Variants in ACSS3 observed in about 807,000 individuals in gnomAD.
ACSS3 encodes acyl-CoA synthetase short chain family member 3, also known as acyl-CoA synthetase short-chain family member 3, mitochondrial.
In ACSS3, 64 loss-of-function variants were observed where a neutral mutation model predicts 84.2. The ratio of observed to expected loss-of-function variants is 0.76; its 90% CI spans 0.62 to 0.94. ACSS3 has a LOEUF of 0.94. Ranked by LOEUF, ACSS3 falls within the 40% of genes least tolerant of loss-of-function variation. The pLI, the probability that ACSS3 is intolerant of heterozygous loss-of-function variation, is 0.00. For synonymous variants in ACSS3, 317 were observed against 310.1 expected (o/e 1.02, Z -0.23); for missense variants, 815 against 867.6 (o/e 0.94, Z 0.76).
At chr12:81,248,787 C>T (rs75512806) in intron 13 of ACSS3, among the ~76,000 whole-genome samples, 2,227 of 151,978 alleles carry the variant, frequency 0.015, 57 homozygotes, top group African/African-American at 0.052. Context: ...TCATTACACA[C>T]TCTATGCATG....
intron 7 of ACSS3, among the ~76,000 whole-genome samples, chr12:81,162,588 T>A (rs1028847337): frequency 2.6e-5 from 4 of 152,146 alleles, no homozygotes; most frequent in African/African-American, 9.7e-5. Context: ...CTGACAGCCC[T>A]GCTCTCAGGT....
chr12:81,261,203 TCA>T lies in ACSS3; in HGVS notation c.*6284_*6285del, dbSNP rs529634698. Reference sequence around the variant, plus strand: ...ACAATGTAATAAAGGTTTGAATTTTTCACAGTTTCTACTATTTATTTATTGAT... The same window carrying T: ...ACAATGTAATAAAGGTTTGAATTTTTCAGTTTCTACTATTTATTTATTGAT... On this transcript the variant is annotated 3_prime_UTR_variant, in exon 16 of 16. Transcript: ENST00000548058. 1.9e-4 allele frequency: 29 copies of T among 152,296 alleles called. No individual in the cohort carries two copies. The highest frequency in any genetic ancestry group is 6.3e-4 in the African/African-American group (26 of 41,580). 9.4% of individuals were successfully genotyped at this position (152,296 alleles called of 1,614,324 possible).
At position 81,249,344 on chromosome 12, in the gene ACSS3, T is replaced by C. The variant is rs375206726; in HGVS notation, c.1720-3963T>C. ...ACAGGAAACAAATTGGGCTCTCTAA[T>C]TTCACTCTTTCACTTGTAGCTTAAG... On this transcript the variant is annotated intron_variant, in intron 13 of 15. Transcript: ENST00000548058. Among the ~76,000 whole-genome samples, 33 of 152,176 alleles carry C rather than the reference T, an allele frequency of 2.2e-4. No homozygotes were observed. The East Asian group carries it at 2.7e-3, about 12-fold the overall frequency.
chr12:81,143,303 A>C, intron 5 of ACSS3, 56 bp downstream of exon 5: 1 of 1,408,638 alleles, frequency 7.1e-7, no homozygotes, highest in Non-Finnish European at 9.5e-7. Context: ...TTGCACCAAG[A>C]ATGTTTGATC....
At chr12:81,254,207 C>T (rs1365864041) in intron 15 of ACSS3, among the ~76,000 whole-genome samples, 3 of 151,960 alleles carry the variant, frequency 2.0e-5, no homozygotes, top group Non-Finnish European at 2.9e-5. Context: ...TGGGATTACA[C>T]GCCTGAGCCA....
intron 1 of ACSS3, among the ~76,000 whole-genome samples, chr12:81,084,928 G>T (rs1049280922): frequency 2.6e-5 from 4 of 152,184 alleles, no homozygotes; most frequent in African/African-American, 9.7e-5. Context: ...ACTGGTATAG[G>T]CAAAAACATT....
chr12:81,215,329 C>T (rs1056288182), intron 9 of ACSS3, among the ~76,000 whole-genome samples: 4 of 152,046 alleles, frequency 2.6e-5, no homozygotes, highest in African/African-American at 9.7e-5. Flanking sequence ...CGATGATCCT[C>T]AGCAGTGACC....
intron 1 of ACSS3, among the ~76,000 whole-genome samples, chr12:81,081,496 T>A (rs1376521122): frequency 2.6e-5 from 4 of 152,182 alleles, no homozygotes; most frequent in Non-Finnish European, 5.9e-5. Context: ...TCATAGTAAT[T>A]TCTTCAGTCC....
intron 8 of ACSS3, among the ~76,000 whole-genome samples, chr12:81,184,895 A>G (rs764795618): frequency 1.3e-5 from 2 of 151,756 alleles, no homozygotes; most frequent in Non-Finnish European, 3.0e-5. Context: ...TGGGGCCAGC[A>G]TCATCTTAAC....
At chr12:81,179,271 C>CAAAAAAAAAAAAAAA (rs71098127) in intron 8 of ACSS3, among the ~76,000 whole-genome samples, 14 of 66,776 alleles carry the variant, frequency 2.1e-4, no homozygotes, top group East Asian at 4.9e-4. Flanking sequence ...AAGTAATTGC[C>CAAAAAAAAAAAAAAA]AAAAAAAAAA....
At position 81,107,519 on chromosome 12, in the gene ACSS3, T is replaced by C. The variant is rs1342923154; in HGVS notation, c.312-2041T>C. ...TCAGGTACAAATATATACATATATA[T>C]ATATATATATATATATATATATATA... On this transcript the variant is annotated intron_variant, in intron 1 of 15. Coordinates refer to ENST00000548058, the MANE Select transcript of ACSS3 (RefSeq NM_024560.4). Among the ~76,000 whole-genome samples the C allele has an allele frequency of 1.2e-3, 76 of 61,694 alleles. 2 individuals are homozygous for C. The highest frequency in any genetic ancestry group is 0.01 in the South Asian group (22 of 2,104). The allele number at this position is 61,694 out of a possible 152,430, so 40.5% of individuals were successfully genotyped here.
intron 12 of ACSS3, among the ~76,000 whole-genome samples, chr12:81,231,780 G>A (rs1026921416): frequency 6.6e-6 from 1 of 151,776 alleles, no homozygotes; most frequent in African/African-American, 2.4e-5. Context: ...CCATGGTGAT[G>A]TGTGTTATGT....
At chr12:81,239,962 G>A (rs992518366) in intron 13 of ACSS3, among the ~76,000 whole-genome samples, 3 of 151,940 alleles carry the variant, frequency 2.0e-5, no homozygotes, top group African/African-American at 4.8e-5. Context: ...GGAGGAATTA[G>A]GAATTTTTGT....
chr12:81,228,352 T>G (rs2033340193), intron 11 of ACSS3, among the ~76,000 whole-genome samples: 1 of 151,824 alleles, frequency 6.6e-6, no homozygotes, highest in East Asian at 1.9e-4. Flanking sequence ...CAGACCTTTC[T>G]TGTAAGAATG....
chr12:81,241,694 T>G (rs2033808873), intron 13 of ACSS3, among the ~76,000 whole-genome samples: 1 of 152,098 alleles, frequency 6.6e-6, no homozygotes, highest in Non-Finnish European at 1.5e-5. Context: ...TTTGTTTTTT[T>G]CTTGTAAATT....
At chr12:81,131,324 C>T (rs1379650666) in intron 2 of ACSS3, among the ~76,000 whole-genome samples, 3 of 152,096 alleles carry the variant, frequency 2.0e-5, no homozygotes, top group Non-Finnish European at 4.4e-5. Context: ...TTGTAGTTCT[C>T]CTTGAAGAGG....
chr12:81,168,121 A>C, intron 7 of ACSS3, among the ~76,000 whole-genome samples: 1 of 152,154 alleles, frequency 6.6e-6, no homozygotes, highest in Non-Finnish European at 1.5e-5. Flanking sequence ...TTGACCAATA[A>C]ATTGTTGGTT....
intron 5 of ACSS3, among the ~76,000 whole-genome samples, chr12:81,144,089 T>C (rs1886214336): frequency 6.6e-6 from 1 of 152,210 alleles, no homozygotes; most frequent in African/African-American, 2.4e-5. Flanking sequence ...TAGATTGCTA[T>C]AGCATCAGTG....
chr12:81,195,860 T>C (rs1403525408), intron 8 of ACSS3, among the ~76,000 whole-genome samples: 1 of 152,126 alleles, frequency 6.6e-6, no homozygotes, highest in South Asian at 2.1e-4. Context: ...TTTATTGTGC[T>C]AAAGAACTGC....
Sources: allele counts gnomAD v4.1 joint callset (sites outside exome capture counted in the v4.1 genomes callset), GRCh38; gene constraint gnomAD v4.1.1; transcripts MANE v1.5; gene names NCBI Gene and HGNC (gene_info 2026-07-23, HGNC 2026-07-21).